The following GRM1 variants were observed in gnomAD, a reference collection of about 807,000 sequenced individuals.
GRM1 encodes glutamate metabotropic receptor 1.
GRM1 carries 33 observed loss-of-function variants against 90.9 expected under a neutral mutation model. That is an observed-to-expected ratio of 0.36 (90% CI 0.28 to 0.49). The LOEUF is 0.49. Ranked by LOEUF, GRM1 falls within the 20% of genes least tolerant of loss-of-function variation. GRM1 has a pLI of 0.99. For missense variants in GRM1, 1,190 were observed against 1,534.3 expected (o/e 0.78, Z 3.75); for synonymous variants, 700 against 613.2 (o/e 1.14, Z -2.09).
In GRM1 at chr6:146,434,959, G is replaced by A. The variant is rs1440281180; in HGVS notation, c.*163G>A. 13 of 699,468 alleles carry A rather than the reference G, an allele frequency of 1.9e-5. No individual in the cohort carries two copies. Among genetic ancestry groups the A allele is most frequent in the Non-Finnish European group, 3.3e-5 (13 of 394,194 alleles). 43.3% of individuals were successfully genotyped at this position (699,468 alleles called of 1,614,324 possible). A position where few individuals can be genotyped will look rare whatever the true frequency, so the allele number is the denominator to read the frequency against. ...CTACTGCTGCTGCTGCCTTAAGTAG[G>A]AAGAGAGGGAAGGACACCAAGCAAA... is the stretch of plus-strand genomic sequence containing the variant. On this transcript the variant is annotated 3_prime_UTR_variant, in exon 8 of 8. Coordinates refer to ENST00000282753, the MANE Select transcript of GRM1 (RefSeq NM_001278064.2).
chr6:146,257,986 G>GT (rs1321603052), intron 2 of GRM1, among the ~76,000 whole-genome samples: 2 of 100,132 alleles, frequency 2.0e-5, no homozygotes, highest in Non-Finnish European at 2.1e-5. Context: ...TTGTTCTTCC[G>GT]TAAAAAAAAA....
At chr6:146,273,112 A>G (rs1228011259) in intron 2 of GRM1, among the ~76,000 whole-genome samples, 1 of 152,230 alleles carries the variant, frequency 6.6e-6, no homozygotes. Context: ...CTACATAAGA[A>G]GATATTCTTG....
intron 1 of GRM1, among the ~76,000 whole-genome samples, chr6:146,065,196 T>G (rs953020239): frequency 6.6e-6 from 1 of 152,166 alleles, no homozygotes; most frequent in Non-Finnish European, 1.5e-5. Context: ...AAAATTTTCT[T>G]TATTATTATG....
intron 1 of GRM1, among the ~76,000 whole-genome samples, chr6:146,150,169 A>G (rs1389617905): frequency 6.6e-6 from 1 of 152,194 alleles, no homozygotes; most frequent in Non-Finnish European, 1.5e-5. Flanking sequence ...AATCTGAATT[A>G]TGACTTCCAG....
intron 2 of GRM1, among the ~76,000 whole-genome samples, chr6:146,177,329 T>A (rs566962751): frequency 1.7e-4 from 26 of 152,194 alleles, no homozygotes; most frequent in African/African-American, 5.8e-4. Flanking sequence ...GAGTTAAAAA[T>A]TTTAGATTAT....
At chr6:146,066,843 A>C (rs1562441587) in intron 1 of GRM1, among the ~76,000 whole-genome samples, 1 of 152,160 alleles carries the variant, frequency 6.6e-6, no homozygotes, top group Non-Finnish European at 1.5e-5. Context: ...ACTTCTACAA[A>C]TGTGGGACAT....
intron 1 of GRM1, among the ~76,000 whole-genome samples, chr6:146,136,252 A>C (rs1038041293): frequency 6.6e-6 from 1 of 152,198 alleles, no homozygotes; most frequent in African/African-American, 2.4e-5. Flanking sequence ...GGTAGTGCAG[A>C]TATGTCTTCA....
At chr6:146,364,912 C>A (rs748245716) in intron 5 of GRM1, 6 of 152,066 alleles carry the variant, frequency 3.9e-5, no homozygotes, top group Admixed American at 6.6e-5. Flanking sequence ...ACAATAACAT[C>A]TTCAGCCGTA....
At chr6:146,056,929 C>T (rs1410193149) in intron 1 of GRM1, among the ~76,000 whole-genome samples, 2 of 152,152 alleles carry the variant, frequency 1.3e-5, no homozygotes, top group Non-Finnish European at 2.9e-5. Context: ...TATTAATAAG[C>T]TCTCACCAGA....
intron 5 of GRM1, among the ~76,000 whole-genome samples, chr6:146,381,617 GAT>G (rs1419100581): frequency 6.6e-6 from 1 of 152,156 alleles, no homozygotes; most frequent in African/African-American, 2.4e-5. Flanking sequence ...ATTCTCTGTA[GAT>G]ATTTGTTGGT....
rs1776841633 is a variant in GRM1, at chr6:146,394,132, T to A, written c.1730-4637T>A. 2.0e-5 allele frequency among the ~76,000 whole-genome samples: 3 copies of A among 152,308 alleles called. No homozygotes were observed. In the South Asian group the frequency reaches 6.2e-4, roughly 32 times the overall value. On this transcript the variant is annotated intron_variant, in intron 6 of 7. Transcript: ENST00000282753. Reference sequence around the variant, plus strand: ...ATTAACTCAAGATGGATTAAAGATTTAAATGTAAGACCTAAATCCGTAAAA... The same window carrying A: ...ATTAACTCAAGATGGATTAAAGATTAAAATGTAAGACCTAAATCCGTAAAA...
In GRM1 at chr6:146,231,543, G is replaced by A. The variant is rs374318107; in HGVS notation, c.950+71946G>A. Among the ~76,000 whole-genome samples the A allele has an allele frequency of 1.1e-3, 167 of 152,160 alleles. 3 individuals carry two copies. In the South Asian group the frequency reaches 0.033, roughly 30 times the overall value. On this transcript the variant is annotated intron_variant, in intron 2 of 7. Coordinates refer to ENST00000282753, the MANE Select transcript of GRM1 (RefSeq NM_001278064.2). ...TGGAAATGCAAGAAATCAAAGGCAA[G>A]ATGACAGATTTAGTTTTTAATGATT...
At chr6:146,293,593 A>G (rs927845512) in intron 2 of GRM1, among the ~76,000 whole-genome samples, 3 of 151,930 alleles carry the variant, frequency 2.0e-5, no homozygotes, top group Non-Finnish European at 2.9e-5. Context: ...TGGTTTTAGT[A>G]TTGTTATAAT....
intron 1 of GRM1, among the ~76,000 whole-genome samples, chr6:146,134,000 T>A (rs193026128): frequency 1.3e-5 from 2 of 152,264 alleles, no homozygotes; most frequent in East Asian, 1.9e-4. Context: ...GTGGAGCAGA[T>A]AAGATGCCCA....
intron 1 of GRM1, among the ~76,000 whole-genome samples, chr6:146,063,581 A>G (rs1562439205): frequency 6.6e-6 from 1 of 152,170 alleles, no homozygotes. Flanking sequence ...ATAATAAAAA[A>G]AACCAGAATT....
At chr6:146,033,498 A>AT (rs1295071418) in intron 1 of GRM1, among the ~76,000 whole-genome samples, 1 of 151,982 alleles carries the variant, frequency 6.6e-6, no homozygotes, top group Non-Finnish European at 1.5e-5. Context: ...AGCTACAAGA[A>AT]TTTTTTTTGA....
chr6:146,199,096 G>A (rs1346046575), intron 2 of GRM1, among the ~76,000 whole-genome samples: 1 of 152,186 alleles, frequency 6.6e-6, no homozygotes, highest in Non-Finnish European at 1.5e-5. Flanking sequence ...GGTCAGCAGA[G>A]CAGAGTTACC....
intron 3 of GRM1, among the ~76,000 whole-genome samples, chr6:146,327,512 C>G (rs1784435749): frequency 6.6e-6 from 1 of 152,114 alleles, no homozygotes; most frequent in Non-Finnish European, 1.5e-5. Context: ...TTGTAGTGTC[C>G]TAAGCATTTT....
At chr6:146,155,797 T>G (rs1777506742) in intron 1 of GRM1, among the ~76,000 whole-genome samples, 1 of 152,150 alleles carries the variant, frequency 6.6e-6, no homozygotes, top group Non-Finnish European at 1.5e-5. Flanking sequence ...CCTTCTCCAG[T>G]CTTATGGAGA....
Sources: allele counts gnomAD v4.1 joint callset (sites outside exome capture counted in the v4.1 genomes callset), GRCh38; gene constraint gnomAD v4.1.1; transcripts MANE v1.5; gene names NCBI Gene and HGNC (gene_info 2026-07-23, HGNC 2026-07-21).